KSR2: variants seen among roughly 807,000 people sequenced by gnomAD.
The protein encoded by KSR2 is kinase suppressor of ras 2.
Under a neutral mutation model 107.8 loss-of-function variants are expected in KSR2, and 25 were observed. That is an observed-to-expected ratio of 0.23 (90% confidence interval 0.17 to 0.32). KSR2 has a LOEUF of 0.32. Among genes scored for constraint, KSR2 ranks in the 10% least tolerant of loss-of-function variants. KSR2 has a pLI of 1.00. For synonymous variants in KSR2, 480 were observed against 507.0 expected (o/e 0.95, Z 0.71); for missense variants, 887 against 1,268.9 (o/e 0.70, Z 4.57).
intron 3 of KSR2, among the ~76,000 whole-genome samples, chr12:117,818,580 T>G (rs141931914): frequency 7.1e-4 from 108 of 152,338 alleles, no homozygotes; most frequent in Middle Eastern, 3.4e-3. Flanking sequence ...CCATAGCAAG[T>G]GCTTAGTGCA....
chr12:117,776,613 G>T lies in KSR2; in HGVS notation c.473-15089C>A, dbSNP rs185295313. On this transcript the variant is annotated intron_variant, in intron 3 of 19. Coordinates refer to ENST00000339824, the MANE Select transcript of KSR2 (RefSeq NM_173598.6). Reference sequence around the variant, plus strand: ...AGACCACAGGCCCCTGGGAGTCATGGATATAAACCTTGATGGTCGCTGTCA... The same window carrying T: ...AGACCACAGGCCCCTGGGAGTCATGTATATAAACCTTGATGGTCGCTGTCA... Among the ~76,000 whole-genome samples, 16 of 152,190 alleles carry T rather than the reference G, an allele frequency of 1.1e-4. No homozygotes were observed. In the East Asian group the frequency reaches 3.1e-3, roughly 29 times the overall value.
At chr12:117,605,645 A>T (rs1250908012) in intron 5 of KSR2, among the ~76,000 whole-genome samples, 1 of 152,216 alleles carries the variant, frequency 6.6e-6, no homozygotes, top group Non-Finnish European at 1.5e-5. Flanking sequence ...AGGAATAGAA[A>T]TCATTCTATT....
intron 3 of KSR2, among the ~76,000 whole-genome samples, chr12:117,830,488 C>T (rs1001330628): frequency 3.3e-5 from 5 of 151,806 alleles, no homozygotes; most frequent in Non-Finnish European, 5.9e-5. Context: ...CACATGTACC[C>T]TCGAATCAAA....
intron 1 of KSR2, among the ~76,000 whole-genome samples, chr12:117,866,736 C>T (rs566960728): frequency 4.0e-5 from 6 of 151,780 alleles, no homozygotes; most frequent in Admixed American, 2.6e-4. Context: ...GGCTGAGGCA[C>T]GAGAATCGCT....
chr12:117,939,154 C>A (rs1895930719), intron 1 of KSR2, among the ~76,000 whole-genome samples: 1 of 152,098 alleles, frequency 6.6e-6, no homozygotes, highest in Non-Finnish European at 1.5e-5. Flanking sequence ...ATAAATATTT[C>A]ATTTTGTTGT....
At chr12:117,677,429 G>A (rs1340615818) in intron 4 of KSR2, among the ~76,000 whole-genome samples, 5 of 152,274 alleles carry the variant, frequency 3.3e-5, no homozygotes, top group Middle Eastern at 3.4e-3. Context: ...GCAAGAGGAC[G>A]GCCATCTGCA....
At chr12:117,783,785 G>A (rs1889967131) in intron 3 of KSR2, among the ~76,000 whole-genome samples, 1 of 152,186 alleles carries the variant, frequency 6.6e-6, no homozygotes, top group African/African-American at 2.4e-5. Context: ...CTGGCCAGAG[G>A]ACCAGGAAAG....
intron 3 of KSR2, among the ~76,000 whole-genome samples, chr12:117,826,567 C>A (rs528120968): frequency 1.3e-5 from 2 of 152,186 alleles, no homozygotes; most frequent in East Asian, 3.9e-4. Flanking sequence ...GAGGGTCAAG[C>A]TTCCACTCTC....
At chr12:117,569,991 C>A (rs1192548692) in intron 7 of KSR2, among the ~76,000 whole-genome samples, 5 of 151,376 alleles carry the variant, frequency 3.3e-5, no homozygotes, top group African/African-American at 1.2e-4. Flanking sequence ...GAACATTTGG[C>A]AATGTCTGCA....
chr12:117,583,151 G>A (rs915999802), intron 5 of KSR2, among the ~76,000 whole-genome samples: 2 of 152,002 alleles, frequency 1.3e-5, no homozygotes, highest in South Asian at 2.1e-4. Flanking sequence ...ATGGATAGGC[G>A]GGTGGGTGAG....
intron 5 of KSR2, among the ~76,000 whole-genome samples, chr12:117,614,668 C>T (rs57708223): frequency 0.086 from 13,022 of 152,222 alleles, 613 homozygotes; most frequent in Middle Eastern, 0.12. Context: ...TTCTGTCATA[C>T]TTTTGTGCAT....
chr12:117,755,900 C>G (rs632330), intron 4 of KSR2, among the ~76,000 whole-genome samples: 1 of 152,140 alleles, frequency 6.6e-6, no homozygotes, highest in Non-Finnish European at 1.5e-5. Flanking sequence ...ATTGCTGATA[C>G]GGAGAAAGTT....
At chr12:117,689,873 G>A (rs1885743715) in intron 4 of KSR2, among the ~76,000 whole-genome samples, 1 of 152,016 alleles carries the variant, frequency 6.6e-6, no homozygotes, top group Non-Finnish European at 1.5e-5. Flanking sequence ...GGGGGTGGGG[G>A]GAACTCCCAA....
In KSR2 at chr12:117,780,698, G is replaced by A. The variant is rs1889852508; in HGVS notation, c.473-19174C>T. Among the ~76,000 whole-genome samples the A allele has an allele frequency of 3.3e-5, 5 of 152,252 alleles. No homozygotes were observed. The South Asian group carries it at 8.3e-4, about 25-fold the overall frequency. The stretch of plus-strand genomic sequence containing the variant: ...AAAATTGTTAAAATGGTAAACTTTG[G>A]TGTGTTTTCCTACAATAAAAAATTA... On this transcript the variant is annotated intron_variant, in intron 3 of 19. Transcript: ENST00000339824.
At chr12:117,879,962 C>T (rs1893974001) in intron 1 of KSR2, among the ~76,000 whole-genome samples, 1 of 152,144 alleles carries the variant, frequency 6.6e-6, no homozygotes, top group Admixed American at 6.5e-5. Context: ...GCCTGACCAA[C>T]ATGGCAAAAC....
chr12:117,697,419 T>A (rs1027407028), intron 4 of KSR2, among the ~76,000 whole-genome samples: 1 of 152,192 alleles, frequency 6.6e-6, no homozygotes, highest in Non-Finnish European at 1.5e-5. Flanking sequence ...CTTAGAAATA[T>A]GCATTTTCTA....
In KSR2 at chr12:117,741,395, C is replaced by T. The variant is rs578201625; in HGVS notation, c.986+19616G>A. 4.9e-4 allele frequency among the ~76,000 whole-genome samples: 75 copies of T among 152,108 alleles called. 1 individual carries two copies. The South Asian group carries it at 7.5e-3, about 15-fold the overall frequency. On this transcript the variant is annotated intron_variant, in intron 4 of 19. Transcript: ENST00000339824. ...TTAATTAGCTGGGCACAGTGGTGCA[C>T]ACCTGTCAAGTCCCAGCTACTCAGG...
At chr12:117,763,168 A>G (rs1031464044) in intron 3 of KSR2, among the ~76,000 whole-genome samples, 2 of 151,484 alleles carry the variant, frequency 1.3e-5, no homozygotes, top group African/African-American at 2.4e-5. Context: ...GCGATAGTTT[A>G]CTGAGAATGA....
chr12:117,656,957 T>TATATAA (rs1398989101), intron 5 of KSR2, among the ~76,000 whole-genome samples: 10 of 92,894 alleles, frequency 1.1e-4, no homozygotes, highest in East Asian at 8.4e-4. Context: ...TATATATATA[T>TATATAA]AATAGGATAT....
Sources: gnomAD v4.1 joint callset for allele counts (sites outside exome capture counted in the v4.1 genomes callset) on GRCh38, gnomAD v4.1.1 for gene constraint, MANE v1.5 for transcripts, NCBI Gene and HGNC (gene_info 2026-07-23, HGNC 2026-07-21) for gene names.